Variants in IGSF10 observed in about 807,000 individuals in gnomAD.
IGSF10 encodes calvaria mechanical force protein 608.
A neutral mutation model predicts 128.2 loss-of-function variants in IGSF10; 126 were observed. The observed-to-expected ratio is 0.98, with a 90% CI of 0.85 to 1.14. IGSF10 has a LOEUF of 1.14. Ranked by LOEUF, IGSF10 falls within the 50% of genes most tolerant of loss-of-function variation. IGSF10 has a pLI of 0.00. For missense variants in IGSF10, 3,295 were observed against 3,149.8 expected, an observed-to-expected ratio of 1.05 and a Z score of -1.10; for synonymous variants, 1,185 against 1,146.2, an observed-to-expected ratio of 1.03 and a Z score of -0.68.
rs1398256320 is a variant in IGSF10, at chr3:151,447,605, T to C, written c.2376A>G (p.Glu792=). 1 of 1,614,048 alleles carries C rather than the reference T, an allele frequency of 6.2e-7. No homozygotes were observed. The highest frequency in any genetic ancestry group is 8.5e-7 in the Non-Finnish European group (1 of 1,180,028). Residue 792 remains glutamate, a synonymous_variant, in exon 6 of 8, where the codon GAA becomes GAG. Transcript: ENST00000282466. ...CGAGCATGCCTGAGGAATCGTCTTC[T>C]TCACCAGGTATGTTTGGGAGTTGGG... is the stretch of plus-strand genomic sequence containing the variant. ...VVTQLPNIPG[E]EDDSSGMLAL...
the IGSF10 span, among the ~76,000 whole-genome samples, chr3:151,575,950 A>G: frequency 6.6e-6 from 1 of 152,208 alleles, no homozygotes; most frequent in African/African-American, 2.4e-5. Flanking sequence ...TTTGAAAATA[A>G]GGCAAGTTCT....
At chr3:151,503,487 C>A in the IGSF10 span, among the ~76,000 whole-genome samples, 1 of 151,870 alleles carries the variant, frequency 6.6e-6, no homozygotes. Flanking sequence ...AAATGAAGAT[C>A]AATAGATAGC....
chr3:151,470,177 T>G, the IGSF10 span, among the ~76,000 whole-genome samples: 3 of 152,322 alleles, frequency 2.0e-5, no homozygotes, highest in African/African-American at 7.2e-5. Flanking sequence ...TCTCATTCAG[T>G]ACATAGATGA....
At chr3:151,462,803 AT>A (rs954490754), upstream of IGSF10, among the ~76,000 whole-genome samples, 2 of 65,540 alleles carry the variant, frequency 3.1e-5, no homozygotes, top group African/African-American at 1.1e-4. Flanking sequence ...AGAAGCATGT[AT>A]ATGAACATGG....
chr3:151,437,465 G>T lies in IGSF10; in HGVS notation c.7096C>A (p.Pro2366Thr). The change falls in exon 8 of 8, where the codon CCA becomes ACA. Residue 2366 changes from proline (P) to threonine (T), a missense_variant. By Grantham distance (38) the Pro-to-Thr change is conservative (BLOSUM62 -1). Transcript: ENST00000282466. ...ALNCSVDGNP[P>T]PEIIWILPNG... Reference sequence around the variant, plus strand: ...GGTAAAATCCAGATTATTTCAGGTGGTGGGTTACCATCAACAGAGCAATTC... The same window carrying T: ...GGTAAAATCCAGATTATTTCAGGTGTTGGGTTACCATCAACAGAGCAATTC... 1 of 1,614,196 alleles carries T rather than the reference G, an allele frequency of 6.2e-7. No homozygotes were observed. Among genetic ancestry groups the T allele is most frequent in the Non-Finnish European group, 8.5e-7 (1 of 1,180,044 alleles).
chr3:151,441,070 A>C (rs1234374433), intron 7 of IGSF10, among the ~76,000 whole-genome samples: 2 of 152,216 alleles, frequency 1.3e-5, no homozygotes, highest in African/African-American at 4.8e-5. Context: ...TTGCTTATTA[A>C]AACAAAATCA....
intron 7 of IGSF10, among the ~76,000 whole-genome samples, chr3:151,439,926 G>A (rs1720742975): frequency 6.6e-6 from 1 of 152,186 alleles, no homozygotes. Context: ...GGCAACATGG[G>A]CTAAGCAGGT....
Position 151,449,040 on chromosome 3 carries a change from C to A in IGSF10, c.941G>T (p.Gly314Val). 1 of 1,614,160 alleles carries A rather than the reference C, an allele frequency of 6.2e-7. No homozygotes were observed. Among genetic ancestry groups the A allele is most frequent in the Non-Finnish European group, 8.5e-7 (1 of 1,180,038 alleles). The change falls in exon 6 of 8, where the codon GGC becomes GTC. Residue 314 changes from glycine (G) to valine (V), a missense_variant. Transcript: ENST00000282466. ...ISPQGFMAPF[G>V]SLTLNMTDQS... is the part of the protein sequence containing the mutation. ...ATCTGTCATATTCAAAGTGAGGGAG[C>A]CAAAGGGTGCCATGAAACCTTGGGG...
At chr3:151,555,218 A>G in the IGSF10 span, among the ~76,000 whole-genome samples, 3 of 152,090 alleles carry the variant, frequency 2.0e-5, no homozygotes, top group East Asian at 5.8e-4. Flanking sequence ...ATTTAAATAA[A>G]CTTTTTGGAT....
At chr3:151,473,941 G>C in the IGSF10 span, among the ~76,000 whole-genome samples, 5 of 151,828 alleles carry the variant, frequency 3.3e-5, no homozygotes, top group African/African-American at 9.7e-5. Flanking sequence ...ATAAGGATAA[G>C]CTAGTTTCCA....
Position 151,436,926 on chromosome 3 carries a change from G to T in IGSF10, c.7635C>A (p.Ala2545=). ...CCAAGGCCACACAGTGGAGCTGAAA[G>T]GCTGCCCCTGTCCTGGTGACAATAC... ...PRSIVTRTGA[A]FQLHCVALGV... Residue 2545 remains alanine (A), a synonymous_variant, in exon 8 of 8, where the codon GCC becomes GCA. Transcript: ENST00000282466. The T allele has an allele frequency of 1.2e-6, 2 of 1,614,168 alleles. No individual in the cohort carries two copies. The highest frequency in any genetic ancestry group is 1.7e-6 in the Non-Finnish European group (2 of 1,180,004).
the IGSF10 span, among the ~76,000 whole-genome samples, chr3:151,605,910 G>A: frequency 6.6e-6 from 1 of 152,126 alleles, no homozygotes; most frequent in South Asian, 2.1e-4. Context: ...ACAGATTTTT[G>A]GGCCTCACCC....
Position 151,438,384 on chromosome 3 carries a change from A to G in IGSF10, c.6177T>C (p.Asp2059=), listed in dbSNP as rs374514917. 5.0e-5 allele frequency: 81 copies of G among 1,614,062 alleles called. No individual in the cohort carries two copies. Among genetic ancestry groups the G allele is most frequent in the Non-Finnish European group, 6.1e-5 (72 of 1,180,038 alleles). The change falls in exon 8 of 8, where the codon GAT becomes GAC. Residue 2059 remains aspartate, a synonymous_variant. Coordinates refer to ENST00000282466, the MANE Select transcript of IGSF10 (RefSeq NM_178822.5). ...GCACTGGGGAGCCGGAAGCTTTGCA[A>G]TCTACTTGGAAATCTTTCCCATGGA... ...QVLHGKDFQV[D]CKASGSPVPE... is the part of the protein sequence containing the mutation.
the IGSF10 span, among the ~76,000 whole-genome samples, chr3:151,500,606 A>G: frequency 6.6e-6 from 1 of 152,174 alleles, no homozygotes; most frequent in Non-Finnish European, 1.5e-5. Flanking sequence ...AATTTTCACA[A>G]TATCTACAAG....
At chr3:151,606,186 T>C in the IGSF10 span, among the ~76,000 whole-genome samples, 2 of 152,228 alleles carry the variant, frequency 1.3e-5, no homozygotes, top group Non-Finnish European at 2.9e-5. Flanking sequence ...ATTTGATTCA[T>C]TGAGCTTTGA....
the IGSF10 span, among the ~76,000 whole-genome samples, chr3:151,489,159 G>A: frequency 6.6e-6 from 1 of 152,172 alleles, no homozygotes; most frequent in African/African-American, 2.4e-5. Context: ...CAAAAAGTGG[G>A]TGAGGGATAT....
chr3:151,460,362 GT>G lies in IGSF10; in HGVS notation c.-88-16del. The G allele has an allele frequency of 1.1e-6, 1 of 875,264 alleles. No homozygotes were observed. Among genetic ancestry groups the G allele is most frequent in the Non-Finnish European group, 1.4e-6 (1 of 729,482 alleles). 54.2% of individuals were successfully genotyped at this position (875,264 alleles called of 1,614,324 possible). A position where few individuals can be genotyped will look rare whatever the true frequency, so the allele number is the denominator to read the frequency against. On this transcript the variant is annotated splice_polypyrimidine_tract_variant and intron_variant, in intron 1 of 7. Transcript: ENST00000282466. ...TGTGTCCAAACCTGAGGGAGGAAAA[GT>G]TCTCTGCTCCAAAGTGAGCAAAAAG... is the stretch of plus-strand genomic sequence containing the variant.
At chr3:151,474,238 AC>A in the IGSF10 span, among the ~76,000 whole-genome samples, 1 of 152,106 alleles carries the variant, frequency 6.6e-6, no homozygotes, top group Non-Finnish European at 1.5e-5. Flanking sequence ...TACTTATCTC[AC>A]CCCTGATTTC....
At chr3:151,537,029 G>T in the IGSF10 span, among the ~76,000 whole-genome samples, 81 of 152,056 alleles carry the variant, frequency 5.3e-4, no homozygotes, top group African/African-American at 1.8e-3. Flanking sequence ...TTCTTTATTC[G>T]AGCATTTATT....
Sources: allele counts gnomAD v4.1 joint callset (sites outside exome capture counted in the v4.1 genomes callset), GRCh38; gene constraint gnomAD v4.1.1; transcripts MANE v1.5; gene names NCBI Gene and HGNC (gene_info 2026-07-23, HGNC 2026-07-21).